Variants in SYT16 observed in about 807,000 individuals in gnomAD.
SYT16 encodes synaptotagmin-16.
A neutral mutation model predicts 61.4 loss-of-function variants in SYT16; 42 were observed. The observed-to-expected ratio is 0.68, with a 90% CI of 0.53 to 0.89. The LOEUF is 0.89. SYT16 is among the 40% of genes least tolerant of loss of function. SYT16 has a pLI of 0.00. For synonymous variants in SYT16, 314 were observed against 302.3 expected, an observed-to-expected ratio of 1.04 and a Z score of -0.40; for missense variants, 804 against 807.3, an observed-to-expected ratio of 1.00 and a Z score of 0.05.
rs2057490805 is a variant in SYT16, at chr14:62,105,103, C to T, written c.*4396C>T. On this transcript the variant is annotated 3_prime_UTR_variant, in exon 8 of 8. Transcript: ENST00000683842. ...TCAGGACAGCCTAATCAGAGATAAG[C>T]CTGGTATGTGGAGGAAATTGAGCCT... 6.6e-6 allele frequency: 1 copy of T among 152,110 alleles called. No homozygotes were observed. Among genetic ancestry groups the T allele is most frequent in the Non-Finnish European group, 1.5e-5 (1 of 68,016 alleles). The allele number at this position is 152,110 out of a possible 1,614,324, so 9.4% of individuals were successfully genotyped here.
chr14:62,105,734 C>A lies in SYT16; in HGVS notation c.*5027C>A, dbSNP rs1555387868. The stretch of plus-strand genomic sequence containing the variant: ...ATCTAGAGAAGTCTTCAGGAGCAAA[C>A]CACTTCAAGTTCAGTGTAACCAGGT... On this transcript the variant is annotated 3_prime_UTR_variant, in exon 8 of 8. Coordinates refer to ENST00000683842, the MANE Select transcript of SYT16 (RefSeq NM_001367656.1). 6.6e-6 allele frequency: 1 copy of A among 152,162 alleles called. No individual in the cohort carries two copies. Among genetic ancestry groups the A allele is most frequent in the Non-Finnish European group, 1.5e-5 (1 of 68,030 alleles). 9.4% of individuals were successfully genotyped at this position (152,162 alleles called of 1,614,324 possible). A position where few individuals can be genotyped will look rare whatever the true frequency, so the allele number is the denominator to read the frequency against.
At chr14:61,822,547 C>G (rs556073508) in intron 1 of SYT16, among the ~76,000 whole-genome samples, 1 of 152,338 alleles carries the variant, frequency 6.6e-6, no homozygotes, top group African/African-American at 2.4e-5. Context: ...ATAACTGCCT[C>G]CGTCAGAGAA....
At chr14:61,813,213 T>C (rs67884457) in intron 1 of SYT16, among the ~76,000 whole-genome samples, 24,338 of 152,240 alleles carry the variant, frequency 0.16, 2,204 homozygotes, top group African/African-American at 0.25. Flanking sequence ...CGTCTGCCTT[T>C]TGGGGATCAG....
At chr14:61,946,698 C>T (rs967119665) in intron 1 of SYT16, among the ~76,000 whole-genome samples, 3 of 152,154 alleles carry the variant, frequency 2.0e-5, no homozygotes, top group Non-Finnish European at 4.4e-5. Flanking sequence ...CTTTCAGAGG[C>T]TTTCTGTTCT....
intron 2 of SYT16, among the ~76,000 whole-genome samples, chr14:61,972,604 A>T (rs1281907941): frequency 1.3e-5 from 2 of 152,212 alleles, no homozygotes; most frequent in Non-Finnish European, 2.9e-5. Context: ...AATTATTGTT[A>T]TCAAAAGTCT....
intron 3 of SYT16, among the ~76,000 whole-genome samples, chr14:62,002,923 A>G (rs1352853676): frequency 1.3e-5 from 2 of 152,230 alleles, no homozygotes; most frequent in South Asian, 2.1e-4. Flanking sequence ...TGACAGCAGC[A>G]AGAAGAATGA....
chr14:61,819,186 T>G (rs1224271963), intron 1 of SYT16, among the ~76,000 whole-genome samples: 2 of 152,218 alleles, frequency 1.3e-5, no homozygotes, highest in African/African-American at 4.8e-5. Context: ...AACCTTCCCT[T>G]CTCCTGAGTA....
chr14:62,042,362 A>G (rs2054769551), intron 3 of SYT16, among the ~76,000 whole-genome samples: 1 of 152,156 alleles, frequency 6.6e-6, no homozygotes, highest in Non-Finnish European at 1.5e-5. Context: ...CAAGATATAT[A>G]TAAATATTTT....
Position 62,069,821 on chromosome 14 carries a change from C to A in SYT16, c.736+6C>A, listed in dbSNP as rs747667929. On this transcript the variant is annotated splice_donor_region_variant and intron_variant, in intron 4 of 7. Transcript: ENST00000683842. ...AGAAGTATCTGCCTGCGAAGGTATC[C>A]TTTGCCTCACATCCTTTCTTTAGAC... 23 of 1,613,186 alleles carry A rather than the reference C, an allele frequency of 1.4e-5. No individual in the cohort carries two copies. Among genetic ancestry groups the A allele is most frequent in the Non-Finnish European group, 1.9e-5 (22 of 1,179,844 alleles).
intron 7 of SYT16, among the ~76,000 whole-genome samples, chr14:62,093,635 A>G (rs1023599529): frequency 6.6e-6 from 1 of 152,094 alleles, no homozygotes; most frequent in African/African-American, 2.4e-5. Flanking sequence ...TGCTAGTGTA[A>G]TTTACCATAT....
intron 1 of SYT16, among the ~76,000 whole-genome samples, chr14:61,861,990 C>T (rs2046978018): frequency 6.6e-6 from 1 of 152,072 alleles, no homozygotes; most frequent in African/African-American, 2.4e-5. Flanking sequence ...GACAGACTTG[C>T]TTGATGTAGG....
chr14:62,081,325 G>A (rs750868872), intron 6 of SYT16, 51 bp downstream of exon 6: 438 of 1,544,404 alleles, frequency 2.8e-4, no homozygotes, highest in Admixed American at 3.7e-4. Flanking sequence ...CGAAGACCTG[G>A]GATTGTCAGC....
chr14:61,886,930 G>C (rs1228505278), intron 1 of SYT16, among the ~76,000 whole-genome samples: 3 of 147,274 alleles, frequency 2.0e-5, no homozygotes, highest in Non-Finnish European at 4.5e-5. Context: ...TGGAGAACGG[G>C]GTCTTGCTAT....
intron 3 of SYT16, among the ~76,000 whole-genome samples, chr14:62,002,150 GAAC>G (rs2053043517): frequency 6.6e-6 from 1 of 152,034 alleles, no homozygotes. Flanking sequence ...ACTGAAAATA[GAAC>G]ATTATATGTA....
chr14:62,001,190 G>A (rs2053000623), intron 3 of SYT16, among the ~76,000 whole-genome samples: 1 of 151,974 alleles, frequency 6.6e-6, no homozygotes, highest in South Asian at 2.1e-4. Flanking sequence ...TTTGAAAAAT[G>A]CGTGACATTT....
rs963353870 is a variant in SYT16, at chr14:61,830,001, T to C, written c.-325+17191T>C. 3.9e-5 allele frequency among the ~76,000 whole-genome samples: 6 copies of C among 152,310 alleles called. No homozygotes were observed. In the South Asian group the frequency reaches 1.2e-3, roughly 32 times the overall value. On this transcript the variant is annotated intron_variant, in intron 1 of 7. Transcript: ENST00000683842. ...ACTGATCTCTTTCCTCTGTCAATTC[T>C]CTTCTGCCACTGAGCCCAGCTAGTG... is the stretch of plus-strand genomic sequence containing the variant.
At chr14:62,042,104 C>A (rs1347426744) in intron 3 of SYT16, among the ~76,000 whole-genome samples, 1 of 152,122 alleles carries the variant, frequency 6.6e-6, no homozygotes, top group African/African-American at 2.4e-5. Context: ...AGCTCCATGT[C>A]AATTGATTGA....
intron 2 of SYT16, among the ~76,000 whole-genome samples, chr14:61,991,677 C>T (rs777947247): frequency 3.3e-5 from 5 of 152,112 alleles, no homozygotes; most frequent in Non-Finnish European, 5.9e-5. Flanking sequence ...TATATAAAGA[C>T]TGAGATTTGG....
intron 3 of SYT16, among the ~76,000 whole-genome samples, chr14:62,015,097 C>G (rs1334087321): frequency 6.6e-6 from 1 of 152,162 alleles, no homozygotes; most frequent in Non-Finnish European, 1.5e-5. Flanking sequence ...CTGCCTTTTT[C>G]TGGCAGTTAG....
Sources: allele counts gnomAD v4.1 joint callset (sites outside exome capture counted in the v4.1 genomes callset), GRCh38; gene constraint gnomAD v4.1.1; transcripts MANE v1.5; gene names NCBI Gene and HGNC (gene_info 2026-07-23, HGNC 2026-07-21).